Variants in NCOA1 observed in about 807,000 individuals in gnomAD.
The protein encoded by NCOA1 is nuclear receptor coactivator 1, also known as Hin-2 protein.
NCOA1 carries 35 observed loss-of-function variants against 150.9 expected under a neutral mutation model. That is an observed-to-expected ratio of 0.23 (90% CI 0.18 to 0.31). The LOEUF (loss-of-function observed/expected upper bound fraction) is 0.31, where lower values mean the gene tolerates loss of function less well. Among genes scored for constraint, NCOA1 ranks in the 10% least tolerant of loss-of-function variants. NCOA1 has a pLI of 1.00. For synonymous variants in NCOA1, 590 were observed against 630.0 expected (o/e 0.94, Z 0.95); for missense variants, 1,491 against 1,749.3 (o/e 0.85, Z 2.63).
chr2:24,601,838 G>T (rs1668136164), intron 3 of NCOA1, among the ~76,000 whole-genome samples: 1 of 151,846 alleles, frequency 6.6e-6, no homozygotes, highest in Admixed American at 6.6e-5. Flanking sequence ...GTTTCACCGT[G>T]TTGCCCAGGC....
At chr2:24,686,742 G>A (rs566884802) in intron 8 of NCOA1, among the ~76,000 whole-genome samples, 22 of 152,134 alleles carry the variant, frequency 1.4e-4, no homozygotes, top group African/African-American at 5.3e-4. Flanking sequence ...TAAAAAAATC[G>A]AATTAATCTT....
At chr2:24,534,671 A>G (rs918722154) in intron 1 of NCOA1, among the ~76,000 whole-genome samples, 1 of 152,162 alleles carries the variant, frequency 6.6e-6, no homozygotes, top group Non-Finnish European at 1.5e-5. Context: ...TTGGTTTTGA[A>G]GAACATCTTT....
intron 1 of NCOA1, among the ~76,000 whole-genome samples, chr2:24,543,279 A>G (rs1665472511): frequency 6.6e-6 from 1 of 152,138 alleles, no homozygotes; most frequent in African/African-American, 2.4e-5. Flanking sequence ...TCCTTTTATA[A>G]CAACCTGCTT....
intron 3 of NCOA1, among the ~76,000 whole-genome samples, chr2:24,638,234 G>A (rs1431187596): frequency 7.8e-6 from 1 of 128,726 alleles, no homozygotes; most frequent in African/African-American, 2.9e-5. Flanking sequence ...GAGAACATGT[G>A]ATGTTTAATT....
At chr2:24,677,515 T>C (rs1343890856) in intron 7 of NCOA1, among the ~76,000 whole-genome samples, 2 of 152,150 alleles carry the variant, frequency 1.3e-5, no homozygotes, top group African/African-American at 4.8e-5. Context: ...CCTCCACCTC[T>C]TGGGTTTAAG....
chr2:24,689,844 C>A (rs1235832869), intron 8 of NCOA1, among the ~76,000 whole-genome samples: 1 of 151,928 alleles, frequency 6.6e-6, no homozygotes, highest in Non-Finnish European at 1.5e-5. Context: ...TTTTTTCCTC[C>A]CTTTCCTTCC....
chr2:24,761,596 G>T (rs527251551), intron 21 of NCOA1, among the ~76,000 whole-genome samples: 33 of 151,878 alleles, frequency 2.2e-4, no homozygotes, highest in Non-Finnish European at 3.5e-4. Flanking sequence ...CATCATTTTT[G>T]AATTGATTTC....
rs751715010 is a variant in NCOA1 at position 24,707,087 on chromosome 2, A to G, written c.1617A>G (p.Thr539=). 27 of 1,614,008 alleles carry G rather than the reference A, an allele frequency of 1.7e-5. No homozygotes were observed. The highest frequency in any genetic ancestry group is 1.7e-6 in the Non-Finnish European group (2 of 1,179,984). ...NNRSYSNIPV[T]SLQGMNEGPN... Reference sequence around the variant, plus strand: ...GATCTTATTCAAACATCCCAGTAACATCTTTACAGGGTATGAATGAAGGAC... The same window carrying G: ...GATCTTATTCAAACATCCCAGTAACGTCTTTACAGGGTATGAATGAAGGAC... Residue 539 remains threonine, a synonymous_variant, in exon 13 of 23, where the codon ACA becomes ACG. Transcript: ENST00000348332.
intron 1 of NCOA1, among the ~76,000 whole-genome samples, chr2:24,512,474 A>G (rs1271097068): frequency 6.6e-6 from 1 of 152,196 alleles, no homozygotes; most frequent in Non-Finnish European, 1.5e-5. Flanking sequence ...AATTCAGTTC[A>G]GTTTTTAAAA....
At chr2:24,635,332 T>G (rs1290528416) in intron 3 of NCOA1, among the ~76,000 whole-genome samples, 1 of 152,134 alleles carries the variant, frequency 6.6e-6, no homozygotes, top group African/African-American at 2.4e-5. Context: ...CAGCCTCCCA[T>G]CAGCATGGTT....
intron 2 of NCOA1, among the ~76,000 whole-genome samples, chr2:24,579,475 A>G (rs1346168992): frequency 6.6e-6 from 1 of 152,186 alleles, no homozygotes; most frequent in East Asian, 1.9e-4. Context: ...CCTTTGCCAT[A>G]TAAGACAGGT....
intron 1 of NCOA1, among the ~76,000 whole-genome samples, chr2:24,548,723 A>C (rs552673601): frequency 6.6e-6 from 1 of 152,326 alleles, no homozygotes; most frequent in East Asian, 1.9e-4. Flanking sequence ...TCCAAAATCC[A>C]GCAGGGCAGT....
chr2:24,687,527 A>G (rs1351282494), intron 8 of NCOA1, among the ~76,000 whole-genome samples: 2 of 152,140 alleles, frequency 1.3e-5, no homozygotes, highest in Non-Finnish European at 2.9e-5. Flanking sequence ...TAATTTATAA[A>G]GGAAAGAGGT....
intron 3 of NCOA1, among the ~76,000 whole-genome samples, chr2:24,639,916 G>GTATA (rs67632791): frequency 1.9e-3 from 56 of 29,624 alleles, no homozygotes; most frequent in Non-Finnish European, 3.9e-3. Context: ...ATGTGTGTGT[G>GTATA]TATATATATA....
At chr2:24,600,138 C>G (rs933902642) in intron 3 of NCOA1, among the ~76,000 whole-genome samples, 2 of 152,204 alleles carry the variant, frequency 1.3e-5, no homozygotes, top group Non-Finnish European at 2.9e-5. Flanking sequence ...TTTAGTCTAT[C>G]AGTCTCAGAA....
At chr2:24,498,789 G>A (rs1401360507) in intron 1 of NCOA1, among the ~76,000 whole-genome samples, 1 of 152,118 alleles carries the variant, frequency 6.6e-6, no homozygotes, top group Non-Finnish European at 1.5e-5. Flanking sequence ...GGATGAAAAT[G>A]AGAAATGTCA....
chr2:24,668,576 T>A (rs537117254), intron 6 of NCOA1, among the ~76,000 whole-genome samples: 1 of 152,114 alleles, frequency 6.6e-6, no homozygotes, highest in Admixed American at 6.5e-5. Context: ...ACATTCAGAG[T>A]CTCAAAGGTA....
At chr2:24,698,216 GAAAAA>G (rs5829930) in intron 11 of NCOA1, among the ~76,000 whole-genome samples, 1 of 151,826 alleles carries the variant, frequency 6.6e-6, no homozygotes, top group Admixed American at 6.6e-5. Flanking sequence ...AACCAAAGAA[GAAAAA>G]AATTAATTCT....
At chr2:24,537,296 C>G (rs1005942033) in intron 1 of NCOA1, among the ~76,000 whole-genome samples, 2 of 150,968 alleles carry the variant, frequency 1.3e-5, no homozygotes, top group Admixed American at 6.6e-5. Flanking sequence ...ATTATATAAG[C>G]CTTGAAAAAG....
Sources: allele counts gnomAD v4.1 joint callset (sites outside exome capture counted in the v4.1 genomes callset), GRCh38; gene constraint gnomAD v4.1.1; transcripts MANE v1.5; gene names NCBI Gene and HGNC (gene_info 2026-07-23, HGNC 2026-07-21).